The following AMPH variants were observed in gnomAD, a reference collection of about 807,000 sequenced individuals.
AMPH encodes amphiphysin (Stiff-Mann syndrome with breast cancer 128kD autoantigen).
AMPH carries 49 observed loss-of-function variants against 99.1 expected under a neutral mutation model. That is an observed-to-expected ratio of 0.49 (90% CI 0.39 to 0.63). The LOEUF is 0.63. AMPH is among the 20% of genes least tolerant of loss of function. The pLI, the probability that AMPH is intolerant of heterozygous loss-of-function variation, is 0.00. For synonymous variants in AMPH, 314 were observed against 317.3 expected (o/e 0.99, Z 0.11); for missense variants, 759 against 863.4 (o/e 0.88, Z 1.52).
intron 2 of AMPH, among the ~76,000 whole-genome samples, chr7:38,513,520 T>C (rs910290271): frequency 1.3e-5 from 2 of 152,280 alleles, no homozygotes; most frequent in African/African-American, 2.4e-5. Context: ...TATCAAAATA[T>C]ATCATAATTA....
At chr7:38,608,670 A>C (rs561333862) in intron 1 of AMPH, among the ~76,000 whole-genome samples, 2 of 152,286 alleles carry the variant, frequency 1.3e-5, no homozygotes, top group South Asian at 4.1e-4. Context: ...CAATACTGAC[A>C]TCAAACAGGA....
At chr7:38,423,780 C>A (rs1239642270) in intron 15 of AMPH, among the ~76,000 whole-genome samples, 1 of 152,056 alleles carries the variant, frequency 6.6e-6, no homozygotes, top group Non-Finnish European at 1.5e-5. Flanking sequence ...GTGGTGGTAA[C>A]AACAGAAGAA....
At chr7:38,475,621 T>C (rs1358946923) in intron 6 of AMPH, among the ~76,000 whole-genome samples, 3 of 152,326 alleles carry the variant, frequency 2.0e-5, no homozygotes, top group South Asian at 2.1e-4. Flanking sequence ...TTGATTACAA[T>C]GGTTGCTCTT....
At chr7:38,426,724 T>C (rs1446946430) in intron 15 of AMPH, among the ~76,000 whole-genome samples, 2 of 152,212 alleles carry the variant, frequency 1.3e-5, no homozygotes, top group South Asian at 2.1e-4. Flanking sequence ...TAGTGTGTGC[T>C]AGCCTGCTGG....
At chr7:38,573,330 T>C (rs1394104121) in intron 1 of AMPH, among the ~76,000 whole-genome samples, 1 of 151,700 alleles carries the variant, frequency 6.6e-6, no homozygotes, top group East Asian at 1.9e-4. Context: ...TATTGTAAAC[T>C]GACTTAAACA....
At chr7:38,482,572 G>A (rs1405780850) in intron 5 of AMPH, among the ~76,000 whole-genome samples, 1 of 152,106 alleles carries the variant, frequency 6.6e-6, no homozygotes, top group Admixed American at 6.6e-5. Flanking sequence ...CTCCTAGACA[G>A]TGTGGCCAAT....
intron 1 of AMPH, among the ~76,000 whole-genome samples, chr7:38,572,278 C>G (rs137918373): frequency 3.7e-4 from 56 of 152,196 alleles, no homozygotes; most frequent in African/African-American, 1.2e-3. Context: ...CAAATCCTTA[C>G]CACTGTCCTA....
chr7:38,422,553 C>T (rs13240983), intron 15 of AMPH, 76 bp from the exon 16 acceptor site: 51,625 of 911,998 alleles, frequency 0.057, 2,164 homozygotes, highest in African/African-American at 0.18. Flanking sequence ...TGTCTGCCTA[C>T]GTATCTATCT....
At chr7:38,629,877 G>A (rs1036879450) in intron 1 of AMPH, among the ~76,000 whole-genome samples, 1 of 152,194 alleles carries the variant, frequency 6.6e-6, no homozygotes, top group African/African-American at 2.4e-5. Flanking sequence ...GGCAGGAGGA[G>A]GATCACTTTA....
chr7:38,535,787 G>C (rs567386073), intron 1 of AMPH, among the ~76,000 whole-genome samples: 12 of 152,136 alleles, frequency 7.9e-5, no homozygotes, highest in Non-Finnish European at 1.5e-4. Flanking sequence ...TCTCCTATGA[G>C]AACCTAATGC....
intron 1 of AMPH, among the ~76,000 whole-genome samples, chr7:38,599,872 A>G (rs966932017): frequency 2.0e-5 from 3 of 151,902 alleles, no homozygotes; most frequent in Non-Finnish European, 4.4e-5. Flanking sequence ...GAATTAACAA[A>G]GCCCCTACTT....
intron 1 of AMPH, among the ~76,000 whole-genome samples, chr7:38,594,749 C>T (rs1792989830): frequency 6.6e-6 from 1 of 151,920 alleles, no homozygotes; most frequent in Non-Finnish European, 1.5e-5. Flanking sequence ...AAACTATGGG[C>T]CAAACAAACA....
intron 1 of AMPH, among the ~76,000 whole-genome samples, chr7:38,590,804 T>A (rs946728242): frequency 6.6e-6 from 1 of 152,100 alleles, no homozygotes; most frequent in Non-Finnish European, 1.5e-5. Context: ...CCTGGAAAAC[T>A]AAGTGGGATA....
chr7:38,534,357 C>T lies in AMPH; in HGVS notation c.150+574G>A, dbSNP rs138407860. ...TAAATCTTCAGAAACACCAGCATTCCTATAGATCCGTCATCTGTATTACAG... is the reference window on the plus strand; with the variant it reads ...TAAATCTTCAGAAACACCAGCATTCTTATAGATCCGTCATCTGTATTACAG... On this transcript the variant is annotated intron_variant, in intron 2 of 20. Transcript: ENST00000356264. Among the ~76,000 whole-genome samples, 1,198 of 152,252 alleles carry T rather than the reference C, an allele frequency of 7.9e-3. 12 individuals carry two copies. The highest frequency in any genetic ancestry group is 0.027 in the African/African-American group (1,122 of 41,556).
intron 1 of AMPH, among the ~76,000 whole-genome samples, chr7:38,545,658 T>TA (rs1169395085): frequency 1.3e-5 from 2 of 152,196 alleles, no homozygotes; most frequent in African/African-American, 4.8e-5. Context: ...ACACGGTACT[T>TA]ACGTAACTTT....
At chr7:38,528,102 G>A (rs1235403427) in intron 2 of AMPH, among the ~76,000 whole-genome samples, 1 of 152,018 alleles carries the variant, frequency 6.6e-6, no homozygotes, top group Non-Finnish European at 1.5e-5. Flanking sequence ...ATCCTATTTG[G>A]TCAAGGTGTA....
intron 3 of AMPH, among the ~76,000 whole-genome samples, chr7:38,498,517 A>C (rs1040354663): frequency 6.6e-6 from 1 of 152,192 alleles, no homozygotes; most frequent in Non-Finnish European, 1.5e-5. Context: ...AAGAGGTAAA[A>C]TACTAATAAA....
chr7:38,629,139 T>C (rs1278402226), intron 1 of AMPH, among the ~76,000 whole-genome samples: 1 of 152,226 alleles, frequency 6.6e-6, no homozygotes, highest in African/African-American at 2.4e-5. Context: ...ATATGTCTAA[T>C]GGAGCCTCTG....
intron 1 of AMPH, among the ~76,000 whole-genome samples, chr7:38,543,188 T>C (rs555342372): frequency 2.6e-5 from 4 of 152,068 alleles, no homozygotes; most frequent in African/African-American, 9.6e-5. Flanking sequence ...GCCCAGGAGG[T>C]TGAGGCTACA....
Sources: gnomAD v4.1 joint callset for allele counts (sites outside exome capture counted in the v4.1 genomes callset) on GRCh38, gnomAD v4.1.1 for gene constraint, MANE v1.5 for transcripts, NCBI Gene and HGNC (gene_info 2026-07-23, HGNC 2026-07-21) for gene names.